AKAP9: variants seen among roughly 807,000 people sequenced by gnomAD.
The protein encoded by AKAP9 is A-kinase anchor protein 9.
AKAP9 carries 311 observed loss-of-function variants against 488.5 expected under a neutral mutation model. That is an observed-to-expected ratio of 0.64 (90% CI 0.58 to 0.70). The LOEUF (loss-of-function observed/expected upper bound fraction) is 0.70. Ranked by LOEUF, AKAP9 falls within the 30% of genes least tolerant of loss-of-function variation. The probability of loss-of-function intolerance (pLI) is 0.00; values close to 1 mark genes in which losing one functional copy is unlikely to be tolerated. For synonymous variants in AKAP9, 1,462 were observed against 1,483.5 expected (o/e 0.99, Z 0.33); for missense variants, 4,215 against 4,374.5 (o/e 0.96, Z 1.03).
In AKAP9 at chr7:92,108,682, C is replaced by T. The variant is rs759032077; in HGVS notation, c.11686+49C>T. The T allele has an allele frequency of 2.5e-6, 4 of 1,609,324 alleles. No homozygotes were observed. In the Admixed American group the frequency reaches 5.0e-5, roughly 20 times the overall value. ...TGGCAGCACCACAGTGCGAGACCCA[C>T]AGCTCCCCTTTCTTTGAAATTCTTT... On this transcript the variant is annotated intron_variant, in intron 49 of 49. Coordinates refer to ENST00000356239, the MANE Select transcript of AKAP9 (RefSeq NM_005751.5).
At chr7:92,023,195 G>C (rs1042013176) in intron 14 of AKAP9, among the ~76,000 whole-genome samples, 186 bp downstream of exon 14, 2 of 152,152 alleles carry the variant, frequency 1.3e-5, no homozygotes, top group African/African-American at 4.8e-5. Flanking sequence ...AAAAAATGTT[G>C]ATGTAAACCA....
chr7:92,007,497 A>G (rs773546865), intron 8 of AKAP9, among the ~76,000 whole-genome samples: 1 of 151,976 alleles, frequency 6.6e-6, no homozygotes, highest in African/African-American at 2.4e-5. Context: ...AGTGATTTAT[A>G]TCTTTAATGT....
chr7:91,949,851 G>A (rs1791971801), intron 1 of AKAP9, among the ~76,000 whole-genome samples: 1 of 152,066 alleles, frequency 6.6e-6, no homozygotes, highest in African/African-American at 2.4e-5. Context: ...TAACAATGTA[G>A]TGTTTGTTTT....
chr7:92,105,433 A>G (rs1818356122), intron 46 of AKAP9, among the ~76,000 whole-genome samples: 1 of 152,098 alleles, frequency 6.6e-6, no homozygotes, highest in South Asian at 2.1e-4. Context: ...CTCAAGCTGG[A>G]ACCTGATGCT....
chr7:92,032,417 A>T (rs1804412197), intron 16 of AKAP9, among the ~76,000 whole-genome samples: 1 of 149,978 alleles, frequency 6.7e-6, no homozygotes, highest in Non-Finnish European at 1.5e-5. Context: ...AATTGCTTGA[A>T]CCCGGGAGGC....
chr7:92,108,133 A>G (rs1818827096), intron 48 of AKAP9, among the ~76,000 whole-genome samples: 1 of 152,222 alleles, frequency 6.6e-6, no homozygotes, highest in East Asian at 1.9e-4. Flanking sequence ...CAAGCTGACC[A>G]AGTGTTATTT....
chr7:92,091,369 C>T (rs763226978), intron 38 of AKAP9, among the ~76,000 whole-genome samples: 3 of 151,748 alleles, frequency 2.0e-5, no homozygotes, highest in African/African-American at 4.8e-5. Flanking sequence ...GGGAGGATCA[C>T]GAGGTCAGGA....
chr7:92,050,659 T>A (rs899857925), intron 21 of AKAP9, among the ~76,000 whole-genome samples: 1 of 152,152 alleles, frequency 6.6e-6, no homozygotes, highest in African/African-American at 2.4e-5. Flanking sequence ...TTCAACTTTG[T>A]CTTCCTTCTC....
intron 8 of AKAP9, among the ~76,000 whole-genome samples, chr7:92,008,983 T>A (rs1209486812): frequency 9.9e-5 from 13 of 130,732 alleles, no homozygotes; most frequent in Admixed American, 6.3e-4. Flanking sequence ...AGACTCCATT[T>A]AAAAAAAAAA....
rs779918773 is a variant in AKAP9, at chr7:92,083,420, T to C, written c.8411T>C (p.Ile2804Thr). The C allele has an allele frequency of 1.2e-5, 19 of 1,613,896 alleles. No homozygotes were observed. In the South Asian group the frequency reaches 1.6e-4, roughly 14 times the overall value. ...TPQILVKNAG[I>T]QINLQSECSS... ...CAAATTCTTGTTAAAAATGCAGGAATACAAATTAATTTACAGAGTGAATGT... is the reference window on the plus strand; with the variant it reads ...CAAATTCTTGTTAAAAATGCAGGAACACAAATTAATTTACAGAGTGAATGT... The change falls in exon 33 of 50, where the codon ATA becomes ACA. Residue 2804 changes from isoleucine (I) to threonine (T), a missense_variant. Physicochemically the swap from Ile to Thr is moderately conservative, Grantham distance 89. This residue lies in a region of AKAP9 where 1,476 missense variants were observed against 1,477.4 expected (regional missense o/e 1.00). Transcript: ENST00000356239.
Position 92,002,575 on chromosome 7 carries a change from A to G in AKAP9, c.2658A>G (p.Glu886=). ...DDLEDSKNKQ[E]LEYKSKLKAL... is the part of the protein sequence containing the mutation. ...TAGAAGACAGTAAAAATAAACAGGAATTAGAGTATAAAAGTAAACTTAAAG... is the reference window on the plus strand; with the variant it reads ...TAGAAGACAGTAAAAATAAACAGGAGTTAGAGTATAAAAGTAAACTTAAAG... The change falls in exon 8 of 50, where the codon GAA becomes GAG. Residue 886 remains glutamate (E), a synonymous_variant. Transcript: ENST00000356239. 1 of 1,609,834 alleles carries G rather than the reference A, an allele frequency of 6.2e-7. No individual in the cohort carries two copies.
At chr7:91,975,921 GTTTGTTTT>G (rs1256984716) in intron 2 of AKAP9, among the ~76,000 whole-genome samples, 1 of 111,696 alleles carries the variant, frequency 9.0e-6, no homozygotes, top group Non-Finnish European at 1.9e-5. Flanking sequence ...TTGTTTGTTT[GTTTGTTTT>G]TTTTTTTTTT....
intron 6 of AKAP9, among the ~76,000 whole-genome samples, chr7:91,995,233 G>C (rs961587547): frequency 4.6e-5 from 7 of 152,212 alleles, no homozygotes; most frequent in Non-Finnish European, 1.0e-4. Context: ...GCAAAAGGGA[G>C]GTACTTAGTG....
At chr7:92,012,841 C>T (rs1038221415) in intron 9 of AKAP9, among the ~76,000 whole-genome samples, 199 bp downstream of exon 9, 9 of 151,738 alleles carry the variant, frequency 5.9e-5, no homozygotes, top group Non-Finnish European at 1.0e-4. Context: ...CAATCCATTG[C>T]GAAAGCATAT....
In AKAP9 at chr7:91,953,322, G is replaced by A. The variant is rs919030670; in HGVS notation, c.48+12175G>A. ...ATCAGTTTTGTACATTTTTTAATTAGAAGTTCTTTATTATACATCTAAATG... is the reference window on the plus strand; with the variant it reads ...ATCAGTTTTGTACATTTTTTAATTAAAAGTTCTTTATTATACATCTAAATG... On this transcript the variant is annotated intron_variant, in intron 1 of 49. Transcript: ENST00000356239. Among the ~76,000 whole-genome samples the A allele has an allele frequency of 2.0e-4, 30 of 152,182 alleles. 1 individual carries two copies. The highest frequency in any genetic ancestry group is 8.8e-5 in the Non-Finnish European group (6 of 68,028).
At chr7:91,997,478 C>T (rs1376084556) in intron 7 of AKAP9, among the ~76,000 whole-genome samples, 3 of 152,160 alleles carry the variant, frequency 2.0e-5, no homozygotes, top group African/African-American at 7.2e-5. Context: ...AGTAGCTACT[C>T]AATACTCACT....
intron 7 of AKAP9, among the ~76,000 whole-genome samples, chr7:91,996,273 A>G (rs1409728218): frequency 6.6e-6 from 1 of 152,126 alleles, no homozygotes; most frequent in Non-Finnish European, 1.5e-5. Flanking sequence ...GTTGGGAGGA[A>G]TATGTGTCCG....
intron 3 of AKAP9, among the ~76,000 whole-genome samples, chr7:91,991,588 C>T (rs1206812142): frequency 2.0e-5 from 3 of 151,898 alleles, no homozygotes; most frequent in Non-Finnish European, 2.9e-5. Context: ...TCTCCTGCCT[C>T]AGCCTCCCAA....
chr7:92,095,690 A>G (rs1816447786), intron 40 of AKAP9, among the ~76,000 whole-genome samples: 1 of 152,126 alleles, frequency 6.6e-6, no homozygotes, highest in African/African-American at 2.4e-5. Context: ...CTTTTAATAG[A>G]GGTGTTGTTG....
Sources: gnomAD v4.1 joint callset for allele counts (sites outside exome capture counted in the v4.1 genomes callset) on GRCh38, gnomAD v4.1.1 for gene constraint, gnomAD v4.1.1 regional missense constraint, MANE v1.5 for transcripts, NCBI Gene and HGNC (gene_info 2026-07-23, HGNC 2026-07-21) for gene names.